The following DIAPH1 variants were observed in gnomAD, a reference collection of about 807,000 sequenced individuals.
DIAPH1 encodes the protein protein diaphanous homolog 1.
A neutral mutation model predicts 140.7 loss-of-function variants in DIAPH1; 46 were observed. That is an observed-to-expected ratio of 0.33 (90% CI 0.26 to 0.42). The LOEUF (loss-of-function observed/expected upper bound fraction) is 0.42. Among genes scored for constraint, DIAPH1 ranks in the 10% least tolerant of loss-of-function variants. The pLI is 1.00. For missense variants in DIAPH1, 1,310 were observed against 1,558.7 expected, an observed-to-expected ratio of 0.84 and a Z score of 2.69; for synonymous variants, 565 against 551.6, an observed-to-expected ratio of 1.02 and a Z score of -0.34.
chr5:141,587,549 T>C (rs748803796), intron 2 of DIAPH1: 20 of 288,628 alleles, frequency 6.9e-5, no homozygotes, highest in Non-Finnish European at 1.3e-4. Context: ...AAAATGCCCT[T>C]TGTTTCCTTC....
At chr5:141,564,566 T>C (rs2099894091) in intron 18 of DIAPH1, 1 of 152,380 alleles carries the variant, frequency 6.6e-6, no homozygotes, top group African/African-American at 2.4e-5. Context: ...GCAATAGTTT[T>C]AAAGTTTTGC....
intron 1 of DIAPH1, among the ~76,000 whole-genome samples, chr5:141,598,761 A>G (rs1224337509): frequency 6.6e-6 from 1 of 152,254 alleles, no homozygotes; most frequent in Non-Finnish European, 1.5e-5. Flanking sequence ...GCTAATTAAT[A>G]ACTTAATGAG....
At chr5:141,527,437 A>G in intron 24 of DIAPH1, 136 bp downstream of exon 24, 1 of 969,404 alleles carries the variant, frequency 1.0e-6, no homozygotes, top group South Asian at 1.6e-5. Flanking sequence ...AAACCCAAAA[A>G]ACTATGTATT....
At position 141,573,376 on chromosome 5, in the gene DIAPH1, A is replaced by G. The variant is rs980987672; in HGVS notation, c.2358+116T>C. 2.3e-6 allele frequency: 3 copies of G among 1,281,080 alleles called. No homozygotes were observed. In the African/African-American group the frequency reaches 4.6e-5, roughly 20 times the overall value. 79.4% of individuals were successfully genotyped at this position (1,281,080 alleles called of 1,614,324 possible). Reference sequence around the variant, plus strand: ...CGTGAACCCGGGAGGCGGAGCTTGCAGTGAGCCGAGATCGCACCACTGCAC... The same window carrying G: ...CGTGAACCCGGGAGGCGGAGCTTGCGGTGAGCCGAGATCGCACCACTGCAC... On this transcript the variant is annotated intron_variant, in intron 16 of 27. Coordinates refer to ENST00000389054, the MANE Select transcript of DIAPH1 (RefSeq NM_005219.5).
intron 23 of DIAPH1, among the ~76,000 whole-genome samples, chr5:141,527,981 A>T (rs1321878787): frequency 6.6e-6 from 1 of 152,182 alleles, no homozygotes; most frequent in African/African-American, 2.4e-5. Flanking sequence ...TTTAACATGA[A>T]TCTATGAAAT....
At chr5:141,584,086 C>G in intron 4 of DIAPH1, 38 bp downstream of exon 4, 1 of 1,325,802 alleles carries the variant, frequency 7.5e-7, no homozygotes, top group Non-Finnish European at 1.1e-6. Context: ...GACAAGGGCA[C>G]AGTCTCCCAT....
chr5:141,591,695 G>GATATAT (rs56117502), intron 1 of DIAPH1, among the ~76,000 whole-genome samples: 2,353 of 86,104 alleles, frequency 0.027, 149 homozygotes, highest in African/African-American at 0.04. Flanking sequence ...GGGAGATGGG[G>GATATAT]ATATATATAT....
intron 18 of DIAPH1, among the ~76,000 whole-genome samples, chr5:141,543,954 G>A (rs765632912): frequency 6.6e-6 from 1 of 152,194 alleles, no homozygotes; most frequent in Non-Finnish European, 1.5e-5. Context: ...ACATCTAGAA[G>A]AGAACAGGGG....
chr5:141,556,319 C>CG (rs1246848304), intron 18 of DIAPH1, among the ~76,000 whole-genome samples: 1 of 151,712 alleles, frequency 6.6e-6, no homozygotes, highest in Non-Finnish European at 1.5e-5. Context: ...AAAAAGTATT[C>CG]GGGAAAAAAA....
chr5:141,567,625 C>A (rs1255554967), intron 18 of DIAPH1, among the ~76,000 whole-genome samples: 1 of 152,194 alleles, frequency 6.6e-6, no homozygotes, highest in African/African-American at 2.4e-5. Context: ...TGAGCTCTCA[C>A]AAAACCTTGC....
intron 14 of DIAPH1, 35 bp downstream of exon 14, chr5:141,576,195 T>G: frequency 6.7e-7 from 1 of 1,483,056 alleles, no homozygotes; most frequent in East Asian, 2.3e-5. Context: ...AAGAAAGATA[T>G]ACTCAAACAC....
At chr5:141,549,745 T>C (rs1286507000) in intron 18 of DIAPH1, among the ~76,000 whole-genome samples, 1 of 152,066 alleles carries the variant, frequency 6.6e-6, no homozygotes, top group Non-Finnish European at 1.5e-5. Context: ...AATATATAAA[T>C]AACTCTGGAG....
chr5:141,616,302 G>C (rs1229717555), intron 1 of DIAPH1, among the ~76,000 whole-genome samples: 2 of 152,198 alleles, frequency 1.3e-5, no homozygotes, highest in African/African-American at 4.8e-5. Context: ...GCATAAGCCA[G>C]GAAAGGTATG....
chr5:141,576,280 T>C lies in DIAPH1; in HGVS notation c.1411A>G (p.Lys471Glu), dbSNP rs1158577329. ...IEGLIDQMID[K>E]TKVEKSEAKA... is the part of the protein sequence containing the mutation. ...GCTTCAGATTTCTCCACCTTTGTCTTATCAATCATTTGATCTGAAAAGAAG... is the reference window on the plus strand; with the variant it reads ...GCTTCAGATTTCTCCACCTTTGTCTCATCAATCATTTGATCTGAAAAGAAG... Residue 471 changes from lysine (K) to glutamate (E), a missense_variant, in exon 14 of 28, where the codon AAG becomes GAG. By Grantham distance (56) the Lys-to-Glu change is moderately conservative (BLOSUM62 1). Coordinates refer to ENST00000389054, the MANE Select transcript of DIAPH1 (RefSeq NM_005219.5). 1 of 1,614,006 alleles carries C rather than the reference T, an allele frequency of 6.2e-7. No individual in the cohort carries two copies. Among genetic ancestry groups the C allele is most frequent in the Admixed American group, 1.7e-5 (1 of 60,030 alleles).
At chr5:141,595,292 G>A (rs541346466) in intron 1 of DIAPH1, among the ~76,000 whole-genome samples, 18 of 152,164 alleles carry the variant, frequency 1.2e-4, no homozygotes, top group Non-Finnish European at 2.5e-4. Context: ...AACACTAAGA[G>A]TGAACCCTAA....
rs926540554 is a variant in DIAPH1, at chr5:141,516,754, A to T, written c.*97T>A. ...CAGGGTCAGGGTGGTGGGAGTGGCC[A>T]CCCCAGAGGAATATCCCCTTGAGCC... is the stretch of plus-strand genomic sequence containing the variant. On this transcript the variant is annotated 3_prime_UTR_variant, in exon 28 of 28. Transcript: ENST00000389054. The T allele has an allele frequency of 9.1e-6, 13 of 1,431,246 alleles. No homozygotes were observed. The highest frequency in any genetic ancestry group is 2.4e-4 in the Middle Eastern group (1 of 4,168). 88.7% of individuals were successfully genotyped at this position (1,431,246 alleles called of 1,614,324 possible).
intron 1 of DIAPH1, among the ~76,000 whole-genome samples, chr5:141,615,437 GAAAAAAAAAAA>G (rs1013629826): frequency 2.2e-5 from 1 of 46,320 alleles, no homozygotes; most frequent in Middle Eastern, 0.024. Flanking sequence ...CTCAGAAAAA[GAAAAAAAAAAA>G]AAAAAAAAAA....
At position 141,578,291 on chromosome 5, in the gene DIAPH1, T is replaced by C. The variant is rs2099896248; in HGVS notation, c.1097A>G (p.Asp366Gly). ...EDMRVQLNVF[D>G]EQGEEDSYDL... ...ATAGGAATCCTCTTCCCCTTGTTCA[T>C]CAAACACATTTAGTTGCACTCTCAT... Residue 366 changes from aspartate to glycine, a missense_variant, in exon 11 of 28, where the codon GAT becomes GGT. Asp to Gly is a moderately conservative substitution (Grantham distance 94). This residue lies in a region of DIAPH1 where 377 missense variants were observed against 497.1 expected (regional missense o/e 0.76). Transcript: ENST00000389054. The C allele has an allele frequency of 1.2e-6, 2 of 1,614,050 alleles. No homozygotes were observed. Among genetic ancestry groups the C allele is most frequent in the Non-Finnish European group, 1.7e-6 (2 of 1,180,004 alleles).
intron 12 of DIAPH1, 75 bp downstream of exon 12, chr5:141,577,400 A>C: frequency 9.4e-7 from 1 of 1,063,522 alleles, no homozygotes; most frequent in Non-Finnish European, 1.5e-6. Context: ...TTTACAGAAC[A>C]ATCTTTGAAT....
Sources: gnomAD v4.1 joint callset for allele counts (sites outside exome capture counted in the v4.1 genomes callset) on GRCh38, gnomAD v4.1.1 for gene constraint, gnomAD v4.1.1 regional missense constraint, MANE v1.5 for transcripts, NCBI Gene and HGNC (gene_info 2026-07-23, HGNC 2026-07-21) for gene names.